Variants in SGF29 observed in about 807,000 individuals in gnomAD.
SGF29 encodes the protein SAGA complex associated factor 29.
Under a neutral mutation model 38.1 loss-of-function variants are expected in SGF29, and 15 were observed. The observed-to-expected ratio is 0.39, with a 90% confidence interval of 0.26 to 0.61. The LOEUF (loss-of-function observed/expected upper bound fraction) is 0.61. Among genes scored for constraint, SGF29 ranks in the 20% least tolerant of loss-of-function variants. SGF29 has a pLI of 0.49. For synonymous variants in SGF29, 151 were observed against 160.8 expected (o/e 0.94, Z 0.46); for missense variants, 184 against 394.6 (o/e 0.47, Z 4.52).
intron 4 of SGF29, among the ~76,000 whole-genome samples, chr16:28,586,636 T>G (rs1026474121): frequency 6.6e-6 from 1 of 152,242 alleles, no homozygotes; most frequent in African/African-American, 2.4e-5. Flanking sequence ...GAAGTCTGAC[T>G]GTGCCCAGAG....
chr16:28,556,799 C>T (rs557737328), intron 1 of SGF29, among the ~76,000 whole-genome samples: 1 of 152,228 alleles, frequency 6.6e-6, no homozygotes, highest in South Asian at 2.1e-4. Context: ...GTGCACCACC[C>T]TGCCCAGCTA....
chr16:28,571,711 C>A (rs182473274), intron 1 of SGF29, among the ~76,000 whole-genome samples: 1 of 151,914 alleles, frequency 6.6e-6, no homozygotes, highest in Non-Finnish European at 1.5e-5. Flanking sequence ...CCAAGGAAAG[C>A]CTACGCTTTC....
chr16:28,585,831 T>A (rs533369864), intron 4 of SGF29, 111 bp downstream of exon 4: 1 of 1,003,108 alleles, frequency 1.0e-6, no homozygotes, highest in Non-Finnish European at 1.6e-6. Flanking sequence ...ATAAGCTGAT[T>A]GCTACTCCCA....
chr16:28,572,957 C>T (rs756193886), intron 1 of SGF29, among the ~76,000 whole-genome samples: 8 of 152,096 alleles, frequency 5.3e-5, no homozygotes, highest in Non-Finnish European at 7.3e-5. Flanking sequence ...CCTTCTTGCT[C>T]GCTGGCCTCC....
intron 1 of SGF29, among the ~76,000 whole-genome samples, chr16:28,575,696 G>T (rs2046888390): frequency 6.6e-6 from 1 of 152,148 alleles, no homozygotes; most frequent in East Asian, 1.9e-4. Flanking sequence ...AAACAAACAA[G>T]CAAACAAAAA....
intron 1 of SGF29, among the ~76,000 whole-genome samples, chr16:28,554,621 G>A (rs1176198619): frequency 2.0e-5 from 3 of 152,168 alleles, no homozygotes; most frequent in African/African-American, 4.8e-5. Flanking sequence ...AAAAATGCCC[G>A]TCTTAAGAAC....
At chr16:28,591,171 C>T (rs2046988178) in intron 9 of SGF29, among the ~76,000 whole-genome samples, 1 of 152,146 alleles carries the variant, frequency 6.6e-6, no homozygotes, top group Non-Finnish European at 1.5e-5. Flanking sequence ...GGAGAACCAG[C>T]TCCGAGATGG....
intron 1 of SGF29, among the ~76,000 whole-genome samples, chr16:28,556,040 T>C (rs570761664): frequency 2.6e-5 from 4 of 152,340 alleles, no homozygotes; most frequent in African/African-American, 9.6e-5. Flanking sequence ...ACTATTCTGT[T>C]ATCTATTTTA....
Position 28,590,872 on chromosome 16 carries a change from G to A in SGF29, c.702G>A (p.Val234=). 3.7e-6 allele frequency: 6 copies of A among 1,613,830 alleles called. No homozygotes were observed. The highest frequency in any genetic ancestry group is 5.1e-6 in the Non-Finnish European group (6 of 1,179,884). Residue 234 remains valine (V), a synonymous_variant, in exon 9 of 10, where the codon GTG becomes GTA. Transcript: ENST00000317058. This position sits in a 1 kb window ranked among gnomAD's most constrained non-coding sequence, Gnocchi z 8.2. ...CCTTGTTCCAGAAGGAGCAGCTCGT[G>A]CTGGCCCTGTATCCCCAGACTACCT... The part of the protein sequence containing the change: ...PEALFQKEQL[V]LALYPQTTCF...
At chr16:28,563,457 C>T (rs2046802141) in intron 1 of SGF29, among the ~76,000 whole-genome samples, 1 of 152,162 alleles carries the variant, frequency 6.6e-6, no homozygotes, top group Non-Finnish European at 1.5e-5. Flanking sequence ...GTGGTCAGCT[C>T]TCTCCCTGAA....
chr16:28,569,015 G>A (rs1468811911), intron 1 of SGF29, among the ~76,000 whole-genome samples: 2 of 151,690 alleles, frequency 1.3e-5, no homozygotes, highest in Admixed American at 6.6e-5. Flanking sequence ...TTGAACCTGG[G>A]AGGCGAAGTT....
rs566949092 is a variant in SGF29 at position 28,585,840 on chromosome 16, C to T, written c.224+120C>T. On this transcript the variant is annotated intron_variant, in intron 4 of 9. Coordinates refer to ENST00000317058, the MANE Select transcript of SGF29 (RefSeq NM_138414.3). ...CCATGGATAAGCTGATTGCTACTCCCAGCCTCTCGCTTGGGTCCCGCATTC... is the reference window on the plus strand; with the variant it reads ...CCATGGATAAGCTGATTGCTACTCCTAGCCTCTCGCTTGGGTCCCGCATTC... 778 of 909,282 alleles carry T rather than the reference C, an allele frequency of 8.6e-4. 13 individuals carry two copies. In the South Asian group the frequency reaches 0.01, roughly 12 times the overall value. 56.3% of individuals were successfully genotyped at this position (909,282 alleles called of 1,614,324 possible).
intron 1 of SGF29, among the ~76,000 whole-genome samples, chr16:28,561,359 CCT>C (rs1484872022): frequency 6.6e-6 from 1 of 152,072 alleles, no homozygotes; most frequent in Non-Finnish European, 1.5e-5. Flanking sequence ...ATGGTTAAAC[CCT>C]GTCTCTACTA....
At chr16:28,564,601 A>ATG (rs1264784325) in intron 1 of SGF29, among the ~76,000 whole-genome samples, 1 of 133,008 alleles carries the variant, frequency 7.5e-6, no homozygotes, top group Non-Finnish European at 1.6e-5. Flanking sequence ...ACACACATAT[A>ATG]TGTGTATATA....
At chr16:28,557,361 G>A (rs992908440) in intron 1 of SGF29, among the ~76,000 whole-genome samples, 1 of 152,234 alleles carries the variant, frequency 6.6e-6, no homozygotes, top group Non-Finnish European at 1.5e-5. Context: ...TTGTATCCCA[G>A]TTTGGAGCTT....
rs2291939 is a variant in SGF29 at position 28,590,208 on chromosome 16, C to T, written c.402C>T (p.Ile134=). Reference sequence around the variant, plus strand: ...CGGCCATGACCCTGCCCCTGTGGATCGGGAAGCCTGGTGACAAGTGAGGGC... The same window carrying T: ...CGGCCATGACCCTGCCCCTGTGGATTGGGAAGCCTGGTGACAAGTGAGGGC... ...QQSAMTLPLW[I]GKPGDKPPPL... is the part of the protein sequence containing the mutation. The change falls in exon 6 of 10, where the codon ATC becomes ATT. Residue 134 remains isoleucine, a synonymous_variant. Coordinates refer to ENST00000317058, the MANE Select transcript of SGF29 (RefSeq NM_138414.3). The surrounding 1 kb of genome is among the most constrained non-coding windows in gnomAD (Gnocchi z 8.2). The T allele has an allele frequency of 1.2e-5, 20 of 1,610,712 alleles. No individual in the cohort carries two copies. The East Asian group carries it at 2.2e-4, about 18-fold the overall frequency.
rs200485545 is a variant in SGF29 at position 28,589,092 on chromosome 16, G to A, written c.225-8G>A. ...CAAACCCTCTTTCTCCCTTCTCCCC[G>A]CCCTCAGCATCCTTCGGAAAGCTCT... On this transcript the variant is annotated splice_region_variant and splice_polypyrimidine_tract_variant and intron_variant, in intron 4 of 9. Transcript: ENST00000317058. The A allele has an allele frequency of 6.1e-4, 983 of 1,613,950 alleles. 1 individual carries two copies. The highest frequency in any genetic ancestry group is 7.6e-4 in the Non-Finnish European group (900 of 1,179,880).
chr16:28,562,223 T>C (rs1165309595), intron 1 of SGF29, among the ~76,000 whole-genome samples: 1 of 152,212 alleles, frequency 6.6e-6, no homozygotes, highest in African/African-American at 2.4e-5. Context: ...GTTCACTAAG[T>C]GCATGCTCTG....
At chr16:28,557,126 A>G (rs1206023109) in intron 1 of SGF29, among the ~76,000 whole-genome samples, 1 of 152,180 alleles carries the variant, frequency 6.6e-6, no homozygotes, top group Non-Finnish European at 1.5e-5. Context: ...CTTTTATGCT[A>G]TTATAGTAAA....
Sources: gnomAD v4.1 joint callset for allele counts (sites outside exome capture counted in the v4.1 genomes callset) on GRCh38, gnomAD v4.1.1 for gene constraint, Gnocchi (gnomAD v3.1) non-coding constraint, MANE v1.5 for transcripts, NCBI Gene and HGNC (gene_info 2026-07-23, HGNC 2026-07-21) for gene names.